Variants in UBTF observed in about 807,000 individuals in gnomAD.
UBTF encodes the protein upstream binding transcription factor, also known as nucleolar transcription factor 1.
In UBTF, 8 loss-of-function variants were observed where a neutral mutation model predicts 112.3. The observed-to-expected ratio is 0.07, with a 90% CI of 0.04 to 0.13. The LOEUF (loss-of-function observed/expected upper bound fraction) is 0.13, where lower values mean the gene tolerates loss of function less well. Among genes scored for constraint, UBTF ranks in the 10% least tolerant of loss-of-function variants. UBTF has a pLI of 1.00. For synonymous variants in UBTF, 417 were observed against 373.1 expected (o/e 1.12, Z -1.36); for missense variants, 457 against 982.1 (o/e 0.47, Z 7.15).
chr17:44,211,240 T>C lies in UBTF; in HGVS notation c.1089+50A>G, dbSNP rs766145255. On this transcript the variant is annotated intron_variant, in intron 11 of 20. Transcript: ENST00000436088. The surrounding 1 kb of genome is among the most constrained non-coding windows in gnomAD (Gnocchi z 4.9). The stretch of plus-strand genomic sequence containing the variant: ...TCCAGGGGCTCACCAGGGCTCTGCC[T>C]GCCAAGTCCCAGTCTTCTCTGCCCA... The C allele has an allele frequency of 3.7e-6, 6 of 1,614,118 alleles. No homozygotes were observed. The highest frequency in any genetic ancestry group is 5.1e-6 in the Non-Finnish European group (6 of 1,180,004).
Position 44,219,635 on chromosome 17 carries a change from G to A in UBTF, c.-258C>T, listed in dbSNP as rs545732130. The A allele has an allele frequency of 2.6e-5, 4 of 155,438 alleles. No homozygotes were observed. Among genetic ancestry groups the A allele is most frequent in the African/African-American group, 5.0e-5 (2 of 39,782 alleles). The allele number at this position is 155,438 out of a possible 1,614,324, so 9.6% of individuals were successfully genotyped here. ...CTGTGGCGGCGGCGGCGGCGGCGGC[G>A]GCTGTGGCTGCTGCCTGCTGCTCCT... On this transcript the variant is annotated 5_prime_UTR_variant, in exon 1 of 21. Transcript: ENST00000436088.
At position 44,215,999 on chromosome 17, in the gene UBTF, G is replaced by A. The variant is rs1598261403; in HGVS notation, c.235-10C>T. 1 of 1,610,736 alleles carries A rather than the reference G, an allele frequency of 6.2e-7. No homozygotes were observed. The highest frequency in any genetic ancestry group is 1.3e-5 in the African/African-American group (1 of 74,818). ...TACGGAACTTCCTCACCTGGAGGAA[G>A]AGGGGTGGGAGGAAGGGGAAGTTGG... On this transcript the variant is annotated splice_polypyrimidine_tract_variant and intron_variant, in intron 3 of 20. Coordinates refer to ENST00000436088, the MANE Select transcript of UBTF (RefSeq NM_014233.4).
upstream of UBTF, chr17:44,219,878 A>C (rs2047086011): frequency 6.7e-6 from 1 of 148,730 alleles, no homozygotes; most frequent in African/African-American, 2.5e-5. Flanking sequence ...ACCCCCGGGG[A>C]GCGAGCGCCA....
At chr17:44,208,025 C>A in intron 17 of UBTF, 114 bp from the exon 18 acceptor site, 1 of 1,346,512 alleles carries the variant, frequency 7.4e-7, no homozygotes, top group Non-Finnish European at 1.0e-6. Context: ...CCCCATCTTA[C>A]CCCTCCCAGG....
Position 44,207,061 on chromosome 17 carries a change from G to A in UBTF, c.*181C>T. ...GGGCTGATGTCTCTGAGGCTGCAGAGTCCTGGCCTGGGCTCCTCCAGCCCC... is the reference window on the plus strand; with the variant it reads ...GGGCTGATGTCTCTGAGGCTGCAGAATCCTGGCCTGGGCTCCTCCAGCCCC... On this transcript the variant is annotated 3_prime_UTR_variant, in exon 21 of 21. Transcript: ENST00000436088. 2 of 669,164 alleles carry A rather than the reference G, an allele frequency of 3.0e-6. No homozygotes were observed. The highest frequency in any genetic ancestry group is 5.0e-6 in the Non-Finnish European group (2 of 400,010). The allele number at this position is 669,164 out of a possible 1,614,324, so 41.5% of individuals were successfully genotyped here.
At chr17:44,219,869 C>T (rs1285641431), upstream of UBTF, 1 of 150,480 alleles carries the variant, frequency 6.6e-6, no homozygotes, top group African/African-American at 2.4e-5. Flanking sequence ...CGCACACCGA[C>T]CCCCGGGGAG....
rs1301352933 is a variant in UBTF, at chr17:44,216,520, A to C, written c.234+9T>G. Reference sequence around the variant, plus strand: ...TATGTGTGTATGTCAGAAAAGGGGGATCAGTTACCTCATTAGAAATCTCCA... The same window carrying C: ...TATGTGTGTATGTCAGAAAAGGGGGCTCAGTTACCTCATTAGAAATCTCCA... On this transcript the variant is annotated intron_variant, in intron 3 of 20. Transcript: ENST00000436088. The C allele has an allele frequency of 6.2e-7, 1 of 1,613,696 alleles. No individual in the cohort carries two copies. Among genetic ancestry groups the C allele is most frequent in the South Asian group, 1.1e-5 (1 of 91,074 alleles).
In UBTF at chr17:44,207,228, G is replaced by T. The variant is rs138321189; in HGVS notation, c.*14C>A. ...CCTGGGCTCTCCCTGGCTGCCCTGG[G>T]GTGGGGCTGAGCCTCAGTTGGAGTC... On this transcript the variant is annotated 3_prime_UTR_variant, in exon 21 of 21. Transcript: ENST00000436088. 4.6e-3 allele frequency: 7,451 copies of T among 1,613,396 alleles called. 25 individuals are homozygous for T. The highest frequency in any genetic ancestry group is 5.1e-3 in the Admixed American group (306 of 59,936).
At position 44,207,753 on chromosome 17, in the gene UBTF, G is replaced by C. The variant is rs377040450; in HGVS notation, c.1971C>G (p.Thr657=). 1 of 1,614,142 alleles carries C rather than the reference G, an allele frequency of 6.2e-7. No individual in the cohort carries two copies. The highest frequency in any genetic ancestry group is 1.7e-5 in the Admixed American group (1 of 60,020). ...ATTTGGGGTTTGGGCCTCGCAGCTT[G>C]GTCATGCTCTTACGTTTCTGCAGGA... The part of the protein sequence containing the change: ...EYISNKRKSM[T]KLRGPNPKSS... Residue 657 remains threonine, a synonymous_variant, in exon 19 of 21, where the codon ACC becomes ACG. Transcript: ENST00000436088.
At chr17:44,213,527 T>C (rs2046685098) in intron 5 of UBTF, among the ~76,000 whole-genome samples, 1 of 152,174 alleles carries the variant, frequency 6.6e-6, no homozygotes, top group African/African-American at 2.4e-5. Context: ...ATTCTCTCCT[T>C]CTGAGCAAGA....
intron 5 of UBTF, 83 bp from the exon 6 acceptor site, chr17:44,213,365 C>A: frequency 7.0e-7 from 1 of 1,421,182 alleles, no homozygotes; most frequent in East Asian, 2.3e-5. Context: ...CCCCTCCTCG[C>A]TGGCTCTTCT....
chr17:44,210,458 G>T lies in UBTF; in HGVS notation c.1375C>A (p.Arg459=). 1 of 1,610,938 alleles carries T rather than the reference G, an allele frequency of 6.2e-7. No individual in the cohort carries two copies. Among genetic ancestry groups the T allele is most frequent in the Non-Finnish European group, 8.5e-7 (1 of 1,179,576 alleles). The part of the protein sequence containing the change: ...SEKKKAKYKA[R]EAALKAQSER... ...GACTGAGCCTTGAGCGCCGCCTCTC[G>T]GGCCTTGTACTTGGCCTGCGGGGAT... The change falls in exon 14 of 21, where the codon CGA becomes AGA. Residue 459 remains arginine, a synonymous_variant. Transcript: ENST00000436088.
intron 5 of UBTF, 163 bp from the exon 6 acceptor site, chr17:44,213,445 A>G: frequency 1.5e-6 from 1 of 680,496 alleles, no homozygotes; most frequent in Non-Finnish European, 2.4e-6. Flanking sequence ...CTCACCACAG[A>G]GCAGACCTGC....
upstream of UBTF, chr17:44,220,883 G>T (rs1231229856): frequency 6.6e-6 from 1 of 151,732 alleles, no homozygotes; most frequent in African/African-American, 2.4e-5. Flanking sequence ...GACGGCTAAT[G>T]GCGAGCCCCA....
Position 44,219,601 on chromosome 17 carries a change from C to G in UBTF, c.-224G>C, listed in dbSNP as rs1355002074. 1.7e-5 allele frequency: 2 copies of G among 116,870 alleles called. No homozygotes were observed. Among genetic ancestry groups the G allele is most frequent in the African/African-American group, 7.8e-5 (2 of 25,756 alleles). 7.2% of individuals were successfully genotyped at this position (116,870 alleles called of 1,614,324 possible). ...CGAGGCGGCGGCGCTGGGGCGGCGG[C>G]TGCTGCTGCTGTGGCGGCGGCGGCG... On this transcript the variant is annotated 5_prime_UTR_variant, in exon 1 of 21. Coordinates refer to ENST00000436088, the MANE Select transcript of UBTF (RefSeq NM_014233.4).
At position 44,218,298 on chromosome 17, in the gene UBTF, T is replaced by C. The variant is rs2046948905; in HGVS notation, c.-67-2A>G. 4.5e-6 allele frequency: 7 copies of C among 1,554,940 alleles called. No homozygotes were observed. The South Asian group carries it at 7.8e-5, about 17-fold the overall frequency. ...ACCCGGGGTCAAAGCCACCTCACCC[T>C]TTGGAAGACATACCAGTTCCCACTC... On this transcript the variant is annotated splice_acceptor_variant, in intron 1 of 20. Coordinates refer to ENST00000436088, the MANE Select transcript of UBTF (RefSeq NM_014233.4). LOFTEE classifies it low-confidence loss of function (5UTR_SPLICE).
Position 44,205,312 on chromosome 17 carries a change from CTGTT to C in UBTF, c.*1926_*1929del, listed in dbSNP as rs1202635444. ...CACCAACACCCCCACCCTGACAGTC[CTGTT>C]TGTACTGTAAGAATTTTTCAATTTT... is the stretch of plus-strand genomic sequence containing the variant. On this transcript the variant is annotated 3_prime_UTR_variant, in exon 21 of 21. Coordinates refer to ENST00000436088, the MANE Select transcript of UBTF (RefSeq NM_014233.4). 6.6e-6 allele frequency: 1 copy of C among 152,628 alleles called. No homozygotes were observed. Among genetic ancestry groups the C allele is most frequent in the East Asian group, 1.9e-4 (1 of 5,206 alleles). The allele number at this position is 152,628 out of a possible 1,614,324, so 9.5% of individuals were successfully genotyped here. A position where few individuals can be genotyped will look rare whatever the true frequency, so the allele number is the denominator to read the frequency against.
At chr17:44,207,937 T>C in intron 17 of UBTF, 26 bp from the exon 18 acceptor site, 1 of 1,612,962 alleles carries the variant, frequency 6.2e-7, no homozygotes, top group African/African-American at 1.3e-5. Context: ...GCGGCAAGGG[T>C]TGGAACATAG....
At chr17:44,209,820 G>T in intron 15 of UBTF, 87 bp from the exon 16 acceptor site, 3 of 1,413,768 alleles carry the variant, frequency 2.1e-6, no homozygotes, top group Non-Finnish European at 2.0e-6. Context: ...ACCTTAGCTG[G>T]CTGTCTTTTT....
Sources: allele counts gnomAD v4.1 joint callset (sites outside exome capture counted in the v4.1 genomes callset), GRCh38; gene constraint gnomAD v4.1.1; non-coding constraint Gnocchi (gnomAD v3.1); transcripts MANE v1.5; gene names NCBI Gene and HGNC (gene_info 2026-07-23, HGNC 2026-07-21).